Variants in ZNF417 observed in about 807,000 individuals in gnomAD.
The protein encoded by ZNF417 is zinc finger protein 417.
A neutral mutation model predicts 7.4 loss-of-function variants in ZNF417; 5 were observed. The ratio of observed to expected loss-of-function variants is 0.68; its 90% CI spans 0.35 to 1.43. The LOEUF (loss-of-function observed/expected upper bound fraction) is 1.43. Ranked by LOEUF, ZNF417 falls within the 40% of genes most tolerant of loss-of-function variation. ZNF417 has a pLI of 0.04. For synonymous variants in ZNF417, 147 were observed against 239.1 expected (o/e 0.61, Z 3.55); for missense variants, 437 against 697.3 (o/e 0.63, Z 4.20).
chr19:57,909,308 A>C lies in ZNF417; in HGVS notation c.970T>G (p.Tyr324Asp). The part of the protein sequence containing the change: ...HQRVHTGERP[Y>D]ECREYGKSFG... ...GATTTCCCATATTCTCTACACTCAT[A>C]AGGCCTTTCTCCAGTGTGAACACGC... Residue 324 changes from tyrosine to aspartate, a missense_variant, in exon 3 of 3, where the codon TAT (tyrosine) becomes GAT (aspartate). Tyr to Asp is a radical substitution (Grantham distance 160). This residue lies in a region of ZNF417 where 53 missense variants were observed against 91.9 expected (regional missense o/e 0.58). Coordinates refer to ENST00000312026, the MANE Select transcript of ZNF417 (RefSeq NM_152475.3). The C allele has an allele frequency of 6.2e-7, 1 of 1,614,136 alleles. No individual in the cohort carries two copies. The highest frequency in any genetic ancestry group is 8.5e-7 in the Non-Finnish European group (1 of 1,179,974).
chr19:57,909,329 C>T lies in ZNF417; in HGVS notation c.949G>A (p.Val317Ile), dbSNP rs1283178055. 1 of 1,614,076 alleles carries T rather than the reference C, an allele frequency of 6.2e-7. No homozygotes were observed. Among genetic ancestry groups the T allele is most frequent in the South Asian group, 1.1e-5 (1 of 91,082 alleles). ...QKGSLISHQR[V>I]HTGERPYECR... Reference sequence around the variant, plus strand: ...TCATAAGGCCTTTCTCCAGTGTGAACACGCTGATGGCTAATAAGGCTGCCC... The same window carrying T: ...TCATAAGGCCTTTCTCCAGTGTGAATACGCTGATGGCTAATAAGGCTGCCC... The change falls in exon 3 of 3, where the codon GTT (valine) becomes ATT (isoleucine). Residue 317 changes from valine to isoleucine, a missense_variant. This residue lies in a region of ZNF417 where 53 missense variants were observed against 91.9 expected (regional missense o/e 0.58). Coordinates refer to ENST00000312026, the MANE Select transcript of ZNF417 (RefSeq NM_152475.3).
Position 57,916,367 on chromosome 19 carries a change from C to T in ZNF417, c.33+12G>A, listed in dbSNP as rs374080207. On this transcript the variant is annotated intron_variant, in intron 1 of 2. Coordinates refer to ENST00000312026, the MANE Select transcript of ZNF417 (RefSeq NM_152475.3). ...TGGGGTGACCTGAGGGCACAGAAGG[C>T]GCCACAATTACCTGAGTCGGGCGCC... is the stretch of plus-strand genomic sequence containing the variant. 8.7e-6 allele frequency: 14 copies of T among 1,614,066 alleles called. No homozygotes were observed. In the African/African-American group the frequency reaches 1.6e-4, roughly 18 times the overall value.
chr19:57,909,755 A>G lies in ZNF417; in HGVS notation c.523T>C (p.Phe175Leu). The G allele has an allele frequency of 6.7e-7, 1 of 1,500,302 alleles. No individual in the cohort carries two copies. The highest frequency in any genetic ancestry group is 9.0e-7 in the Non-Finnish European group (1 of 1,107,314). The allele number at this position is 1,500,302 out of a possible 1,614,324, so 92.9% of individuals were successfully genotyped here. A position where few individuals can be genotyped will look rare whatever the true frequency, so the allele number is the denominator to read the frequency against. Residue 175 changes from phenylalanine to leucine, a missense_variant, in exon 3 of 3, where the codon TTT (phenylalanine) becomes CTT (leucine). Physicochemically the swap from Phe to Leu is conservative, Grantham distance 22 (BLOSUM62 0). Transcript: ENST00000312026. ...VSQEPFVFRE[F>L]GKDVLPSSGL... ...GAACTGGGCAGAACGTCCTTCCCAA[A>G]CTCGCGGAAGACAAATGGCTCCTGT...
rs376233500 is a variant in ZNF417, at chr19:57,910,120, A to T, written c.164-6T>A. On this transcript the variant is annotated splice_region_variant and splice_polypyrimidine_tract_variant and intron_variant, in intron 2 of 2. Coordinates refer to ENST00000312026, the MANE Select transcript of ZNF417 (RefSeq NM_152475.3). ...TTTTGATCCACACCAACAACCTGAG[A>T]GCAAGAAAATGCTGGTCAAGTGCAA... The T allele has an allele frequency of 6.2e-7, 1 of 1,606,468 alleles. No individual in the cohort carries two copies. Among genetic ancestry groups the T allele is most frequent in the Non-Finnish European group, 8.5e-7 (1 of 1,174,884 alleles).
rs373416762 is a variant in ZNF417 at position 57,908,511 on chromosome 19, C to T, written c.*39G>A. 21 of 1,611,890 alleles carry T rather than the reference C, an allele frequency of 1.3e-5. No individual in the cohort carries two copies. The highest frequency in any genetic ancestry group is 3.3e-4 in the Middle Eastern group (2 of 6,060). ...ATGAACTCTCCTGTGTTTAATGAGACGGGATGTTTCAGCAAACGATTTCCC... is the reference window on the plus strand; with the variant it reads ...ATGAACTCTCCTGTGTTTAATGAGATGGGATGTTTCAGCAAACGATTTCCC... On this transcript the variant is annotated 3_prime_UTR_variant, in exon 3 of 3. Transcript: ENST00000312026.
Position 57,906,760 on chromosome 19 carries a change from C to CAAAAAA in ZNF417, c.*1784_*1789dup, listed in dbSNP as rs1180110149. The CAAAAAA allele has an allele frequency of 3.3e-5, 1 of 30,510 alleles. No individual in the cohort carries two copies. Among genetic ancestry groups the CAAAAAA allele is most frequent in the Non-Finnish European group, 6.1e-5 (1 of 16,472 alleles). 1.9% of individuals were successfully genotyped at this position (30,510 alleles called of 1,614,324 possible). On this transcript the variant is annotated 3_prime_UTR_variant, in exon 3 of 3. Coordinates refer to ENST00000312026, the MANE Select transcript of ZNF417 (RefSeq NM_152475.3). Reference sequence around the variant, plus strand: ...TGGGTGACAGAGTGAGACTCTGTCTCAAAAAAAAAAAAAAAAAAAAATTTA... The same window carrying CAAAAAA: ...TGGGTGACAGAGTGAGACTCTGTCTCAAAAAAAAAAAAAAAAAAAAAAAAAAATTTA...
rs552013174 is a variant in ZNF417 at position 57,906,536 on chromosome 19, G to A, written c.*2014C>T. ...CCAGCACTTTAGGAGGCTGAGGGGG[G>A]TGGATCATGAGGTCACAAGTTTGAG... On this transcript the variant is annotated 3_prime_UTR_variant, in exon 3 of 3. Transcript: ENST00000312026. 7.2e-5 allele frequency among the ~76,000 whole-genome samples: 11 copies of A among 151,934 alleles called. No homozygotes were observed. The South Asian group carries it at 2.1e-3, about 29-fold the overall frequency.
chr19:57,913,402 C>G (rs1391883686), intron 1 of ZNF417, among the ~76,000 whole-genome samples: 2 of 152,196 alleles, frequency 1.3e-5, no homozygotes, highest in African/African-American at 2.4e-5. Flanking sequence ...CACTTTTGTG[C>G]TGCACCAGCT....
At position 57,908,296 on chromosome 19, in the gene ZNF417, T is replaced by C. The variant is rs1198786909; in HGVS notation, c.*254A>G. ...TGGTGTACTCGTAATCTCAGCTCCTTGGGAGGCTGAGGTAGGAGAATCACT... is the reference window on the plus strand; with the variant it reads ...TGGTGTACTCGTAATCTCAGCTCCTCGGGAGGCTGAGGTAGGAGAATCACT... On this transcript the variant is annotated 3_prime_UTR_variant, in exon 3 of 3. Transcript: ENST00000312026. The C allele has an allele frequency of 4.5e-5, 26 of 575,952 alleles. No individual in the cohort carries two copies. Among genetic ancestry groups the C allele is most frequent in the Admixed American group, 1.3e-4 (4 of 31,758 alleles). The allele number at this position is 575,952 out of a possible 1,614,324, so 35.7% of individuals were successfully genotyped here. A position where few individuals can be genotyped will look rare whatever the true frequency, so the allele number is the denominator to read the frequency against.
At chr19:57,915,006 T>A (rs1282715546) in intron 1 of ZNF417, among the ~76,000 whole-genome samples, 1 of 152,180 alleles carries the variant, frequency 6.6e-6, no homozygotes, top group African/African-American at 2.4e-5. Flanking sequence ...GTGGGTTCCC[T>A]AAGTGCTTCT....
rs2071867502 is a variant in ZNF417 at position 57,909,108 on chromosome 19, A to C, written c.1170T>G (p.Gly390=). Residue 390 remains glycine (G), a synonymous_variant, in exon 3 of 3, where the codon GGT becomes GGG. Transcript: ENST00000312026. ...YKCGECGKSF[G]QKGNLVQHQR... ...GATGTTGAACGAGGTTGCCCTTTTG[A>C]CCAAAAGATTTTCCACATTCTCCAC... 1 of 1,613,944 alleles carries C rather than the reference A, an allele frequency of 6.2e-7. No individual in the cohort carries two copies. Among genetic ancestry groups the C allele is most frequent in the Non-Finnish European group, 8.5e-7 (1 of 1,180,022 alleles).
intron 1 of ZNF417, among the ~76,000 whole-genome samples, chr19:57,914,528 G>C (rs2071928843): frequency 7.0e-6 from 1 of 143,582 alleles, no homozygotes. Context: ...AGAAAACCTA[G>C]CTGTCTCTTT....
At chr19:57,914,140 C>G (rs545489734) in intron 1 of ZNF417, among the ~76,000 whole-genome samples, 7 of 152,094 alleles carry the variant, frequency 4.6e-5, no homozygotes, top group Non-Finnish European at 1.0e-4. Flanking sequence ...AGATCAAAAA[C>G]CTTGGGCTCA....
chr19:57,910,234 T>C (rs779527248), intron 2 of ZNF417, 120 bp from the exon 3 acceptor site: 259 of 1,476,224 alleles, frequency 1.8e-4, no homozygotes, highest in Non-Finnish European at 2.2e-4. Context: ...AGGAACACAA[T>C]GTTGGCTTCA....
intron 1 of ZNF417, among the ~76,000 whole-genome samples, chr19:57,913,819 C>G (rs546999862): frequency 2.6e-5 from 4 of 152,272 alleles, no homozygotes; most frequent in Admixed American, 6.5e-5. Flanking sequence ...AAGAGATCCA[C>G]TCCTCAGCCT....
intron 1 of ZNF417, chr19:57,915,378 G>C (rs2071938344): frequency 3.4e-6 from 1 of 290,380 alleles, no homozygotes; most frequent in South Asian, 4.5e-5. Flanking sequence ...CTTCCAGGGA[G>C]AGCTCCACCT....
chr19:57,912,068 G>A lies in ZNF417; in HGVS notation c.155C>T (p.Ser52Phe), dbSNP rs759813700. The A allele has an allele frequency of 2.5e-6, 4 of 1,582,670 alleles. No homozygotes were observed. The South Asian group carries it at 4.6e-5, about 18-fold the overall frequency. Residue 52 changes from serine (S) to phenylalanine (F), a missense_variant, in exon 2 of 3, where the codon TCC becomes TTC. By Grantham distance (155) the Ser-to-Phe change is radical (BLOSUM62 -2). Transcript: ENST00000312026. The stretch of plus-strand genomic sequence containing the variant: ...GAGCGTGAGCAACTTACCCAGCGAG[G>A]ATATGAGAGCCAGGTTCTCTAGCAT... ...DVMLENLALI[S>F]SLGCWCGSKD...
intron 1 of ZNF417, among the ~76,000 whole-genome samples, chr19:57,914,893 G>A (rs570503289): frequency 2.0e-5 from 3 of 152,266 alleles, no homozygotes; most frequent in Non-Finnish European, 2.9e-5. Flanking sequence ...CGGATCAAAG[G>A]ACTGAAAAAA....
chr19:57,907,832 A>T lies in ZNF417; in HGVS notation c.*718T>A, dbSNP rs1272976770. The stretch of plus-strand genomic sequence containing the variant: ...CACAGGGACTGGAGATTATCTCCAG[A>T]AAAGAGCTTGGAGTGAGGAAATTAG... On this transcript the variant is annotated 3_prime_UTR_variant, in exon 3 of 3. Transcript: ENST00000312026. 1 of 153,128 alleles carries T rather than the reference A, an allele frequency of 6.5e-6. No homozygotes were observed. The highest frequency in any genetic ancestry group is 2.4e-5 in the African/African-American group (1 of 41,498). The allele number at this position is 153,128 out of a possible 1,614,324, so 9.5% of individuals were successfully genotyped here.
Sources: allele counts gnomAD v4.1 joint callset (sites outside exome capture counted in the v4.1 genomes callset), GRCh38; gene constraint gnomAD v4.1.1; regional missense constraint gnomAD v4.1.1; transcripts MANE v1.5; gene names NCBI Gene and HGNC (gene_info 2026-07-23, HGNC 2026-07-21).